The following FIGN variants were observed in gnomAD, a reference collection of about 807,000 sequenced individuals.
FIGN encodes the protein fidgetin, microtubule severing factor.
Under a neutral mutation model 51.3 loss-of-function variants are expected in FIGN, and 11 were observed. The ratio of observed to expected loss-of-function variants is 0.21; its 90% CI spans 0.13 to 0.35. FIGN has a LOEUF of 0.35. FIGN is among the 10% of genes least tolerant of loss of function. The probability of loss-of-function intolerance (pLI) is 1.00; values close to 1 mark genes in which losing one functional copy is unlikely to be tolerated. For synonymous variants in FIGN, 407 were observed against 363.2 expected, an observed-to-expected ratio of 1.12 and a Z score of -1.37; for missense variants, 857 against 943.6, an observed-to-expected ratio of 0.91 and a Z score of 1.20.
At chr2:163,717,500 G>A (rs558757385) in intron 2 of FIGN, among the ~76,000 whole-genome samples, 25 of 151,984 alleles carry the variant, frequency 1.6e-4, no homozygotes, top group African/African-American at 5.8e-4. Flanking sequence ...TGGAGGGGTG[G>A]GACATTTGAG....
chr2:163,681,750 T>A (rs146298279), intron 2 of FIGN, among the ~76,000 whole-genome samples: 392 of 152,284 alleles, frequency 2.6e-3, no homozygotes, highest in African/African-American at 9.1e-3. Context: ...AAGGGACAAA[T>A]CATGCATTTG....
At chr2:163,708,570 TCATAAAAGAG>T (rs1394339515) in intron 2 of FIGN, among the ~76,000 whole-genome samples, 1 of 152,326 alleles carries the variant, frequency 6.6e-6, no homozygotes, top group East Asian at 1.9e-4. Context: ...AACTGAACTG[TCATAAAAGAG>T]GATATGGGCT....
intron 2 of FIGN, among the ~76,000 whole-genome samples, chr2:163,689,904 A>G (rs1387432405): frequency 6.6e-6 from 1 of 152,154 alleles, no homozygotes; most frequent in African/African-American, 2.4e-5. Context: ...ATACTCTCTA[A>G]AACCACAAGT....
intron 2 of FIGN, among the ~76,000 whole-genome samples, chr2:163,684,867 C>T (rs1353490854): frequency 5.9e-5 from 9 of 151,918 alleles, no homozygotes; most frequent in Non-Finnish European, 1.3e-4. Context: ...CTCCGCCTCC[C>T]AGGTTCAAGC....
chr2:163,685,108 G>T (rs989574815), intron 2 of FIGN, among the ~76,000 whole-genome samples: 6 of 151,874 alleles, frequency 4.0e-5, no homozygotes, highest in Admixed American at 3.9e-4. Flanking sequence ...TTTAAGGTTG[G>T]GTCCATGATG....
Position 163,609,796 on chromosome 2 carries a change from G to A in FIGN, c.2036C>T (p.Ala679Val), listed in dbSNP as rs776966651. 1 of 1,614,152 alleles carries A rather than the reference G, an allele frequency of 6.2e-7. No homozygotes were observed. The highest frequency in any genetic ancestry group is 8.5e-7 in the Non-Finnish European group (1 of 1,180,030). ...HNYCLNDKEF[A>V]LLVQRTEGFS... ...GCCTTCTGTGCGCTGGACGAGCAGT[G>A]CAAACTCCTTGTCATTGAGACAGTA... is the stretch of plus-strand genomic sequence containing the variant. Residue 679 changes from alanine to valine, a missense_variant, in exon 3 of 3, where the codon GCA (alanine) becomes GTA (valine). Coordinates refer to ENST00000333129, the MANE Select transcript of FIGN (RefSeq NM_018086.4).
At chr2:163,691,685 T>C (rs1168055652) in intron 2 of FIGN, among the ~76,000 whole-genome samples, 3 of 152,188 alleles carry the variant, frequency 2.0e-5, no homozygotes, top group Non-Finnish European at 2.9e-5. Flanking sequence ...AAATATTTCA[T>C]GTTACCTACA....
chr2:163,629,450 T>C (rs1683109770), intron 2 of FIGN, among the ~76,000 whole-genome samples: 1 of 152,078 alleles, frequency 6.6e-6, no homozygotes, highest in Admixed American at 6.6e-5. Flanking sequence ...ATGGCAAGCA[T>C]TAGAGGATTT....
intron 2 of FIGN, among the ~76,000 whole-genome samples, chr2:163,721,317 T>C (rs1337233970): frequency 6.6e-6 from 1 of 152,176 alleles, no homozygotes; most frequent in Non-Finnish European, 1.5e-5. Context: ...GGTTTTACAA[T>C]TTGTGGCCTT....
At chr2:163,723,765 C>A (rs1369287402) in intron 2 of FIGN, among the ~76,000 whole-genome samples, 1 of 152,182 alleles carries the variant, frequency 6.6e-6, no homozygotes, top group Non-Finnish European at 1.5e-5. Context: ...CTATTGAAAT[C>A]TCTTACAAGA....
At chr2:163,689,743 T>C (rs909773609) in intron 2 of FIGN, among the ~76,000 whole-genome samples, 4 of 152,128 alleles carry the variant, frequency 2.6e-5, no homozygotes, top group Non-Finnish European at 5.9e-5. Flanking sequence ...AGGATCAAGA[T>C]TATGTCTGTC....
At chr2:163,692,540 G>A (rs1183551641) in intron 2 of FIGN, among the ~76,000 whole-genome samples, 1 of 152,154 alleles carries the variant, frequency 6.6e-6, no homozygotes, top group Admixed American at 6.6e-5. Context: ...AGGAAAAGAT[G>A]TTTAAAAAGT....
intron 2 of FIGN, among the ~76,000 whole-genome samples, chr2:163,679,936 G>A (rs561232931): frequency 6.6e-6 from 1 of 152,306 alleles, no homozygotes; most frequent in Admixed American, 6.5e-5. Context: ...TCTTTGATAA[G>A]TGAGAAATAT....
At chr2:163,661,834 C>T (rs1014962367) in intron 2 of FIGN, among the ~76,000 whole-genome samples, 8 of 152,090 alleles carry the variant, frequency 5.3e-5, no homozygotes, top group African/African-American at 9.7e-5. Context: ...AAGTGCCTTT[C>T]GCCTCCTGCC....
intron 2 of FIGN, among the ~76,000 whole-genome samples, chr2:163,680,468 TA>T (rs1236735880): frequency 6.6e-6 from 1 of 152,122 alleles, no homozygotes; most frequent in African/African-American, 2.4e-5. Context: ...AGCAGTAGGT[TA>T]GCAAGTCATG....
At chr2:163,660,596 G>A (rs1683637236) in intron 2 of FIGN, among the ~76,000 whole-genome samples, 1 of 148,738 alleles carries the variant, frequency 6.7e-6, no homozygotes, top group Non-Finnish European at 1.5e-5. Flanking sequence ...ACCTCTGGTG[G>A]ACTATTCAGA....
At chr2:163,688,379 TA>T (rs1174490423) in intron 2 of FIGN, among the ~76,000 whole-genome samples, 3 of 152,066 alleles carry the variant, frequency 2.0e-5, no homozygotes, top group Non-Finnish European at 4.4e-5. Context: ...ATGTTACAGA[TA>T]AAGTGGTGGA....
At chr2:163,621,328 G>C (rs1682968631) in intron 2 of FIGN, among the ~76,000 whole-genome samples, 1 of 152,062 alleles carries the variant, frequency 6.6e-6, no homozygotes, top group African/African-American at 2.4e-5. Context: ...TAGCAAAATA[G>C]TGTCTTGGAC....
intron 2 of FIGN, among the ~76,000 whole-genome samples, chr2:163,688,226 C>A (rs2105343513): frequency 6.6e-6 from 1 of 152,240 alleles, no homozygotes; most frequent in East Asian, 1.9e-4. Context: ...AGATCCATCA[C>A]CAGTGAAATG....
Sources: gnomAD v4.1 joint callset for allele counts (sites outside exome capture counted in the v4.1 genomes callset) on GRCh38, gnomAD v4.1.1 for gene constraint, MANE v1.5 for transcripts, NCBI Gene and HGNC (gene_info 2026-07-23, HGNC 2026-07-21) for gene names.